TESK2: variants seen among roughly 807,000 people sequenced by gnomAD.
TESK2 encodes testis associated actin remodelling kinase 2, also known as dual specificity testis-specific protein kinase 2.
A neutral mutation model predicts 57.1 loss-of-function variants in TESK2; 39 were observed. The ratio of observed to expected loss-of-function variants is 0.68; its 90% CI spans 0.53 to 0.89. The LOEUF (loss-of-function observed/expected upper bound fraction) is 0.89. TESK2 is among the 40% of genes least tolerant of loss of function. The pLI is 0.00. For synonymous variants in TESK2, 249 were observed against 267.9 expected (o/e 0.93, Z 0.69); for missense variants, 646 against 732.1 (o/e 0.88, Z 1.36).
rs373586036 is a variant in TESK2, at chr1:45,481,459, A to C, written c.-87+9393T>G. On this transcript the variant is annotated intron_variant, in intron 1 of 10. Transcript: ENST00000372086. ...AAAAGTGGGAAAAACAGGACTATAC[A>C]ATTGACCCTTGAACAACACGGGTTT... is the stretch of plus-strand genomic sequence containing the variant. Among the ~76,000 whole-genome samples the C allele has an allele frequency of 1.4e-4, 22 of 152,176 alleles. 1 individual carries two copies. The highest frequency in any genetic ancestry group is 9.6e-4 in the East Asian group (5 of 5,184).
At chr1:45,427,752 CAG>C (rs913880896) in intron 2 of TESK2, among the ~76,000 whole-genome samples, 15 of 151,978 alleles carry the variant, frequency 9.9e-5, no homozygotes, top group African/African-American at 3.4e-4. Flanking sequence ...TGATGGTTAA[CAG>C]AGGCTGGGAA....
chr1:45,472,146 G>A (rs867912831), intron 1 of TESK2, among the ~76,000 whole-genome samples: 5 of 151,956 alleles, frequency 3.3e-5, no homozygotes, highest in Middle Eastern at 3.4e-3. Flanking sequence ...CAGCTACTCG[G>A]GAGGCTGAGG....
intron 2 of TESK2, among the ~76,000 whole-genome samples, chr1:45,442,062 G>A (rs372775157): frequency 1.4e-4 from 21 of 151,968 alleles, no homozygotes; most frequent in Non-Finnish European, 2.9e-4. Flanking sequence ...CCACCCTCCC[G>A]AGTAGCTGGG....
intron 2 of TESK2, among the ~76,000 whole-genome samples, chr1:45,433,972 G>C (rs1241475926): frequency 1.3e-5 from 2 of 151,818 alleles, no homozygotes; most frequent in Non-Finnish European, 2.9e-5. Context: ...TTCATTTTTG[G>C]GGTTTTGGGG....
chr1:45,404,838 A>T (rs1345690654), intron 3 of TESK2, among the ~76,000 whole-genome samples: 1 of 152,050 alleles, frequency 6.6e-6, no homozygotes, highest in Non-Finnish European at 1.5e-5. Context: ...CCACCACACC[A>T]GGCCTATTTC....
At chr1:45,413,681 T>A (rs1303776040) in intron 3 of TESK2, among the ~76,000 whole-genome samples, 3 of 152,050 alleles carry the variant, frequency 2.0e-5, no homozygotes, top group Admixed American at 6.6e-5. Flanking sequence ...ATAAAAAAGA[T>A]AAAAAGTGCA....
chr1:45,422,143 C>T (rs1650503180), intron 2 of TESK2, among the ~76,000 whole-genome samples: 2 of 152,088 alleles, frequency 1.3e-5, no homozygotes, highest in Admixed American at 1.3e-4. Flanking sequence ...ATGTCCTTTG[C>T]AGGGACATAA....
chr1:45,380,748 C>T (rs926645149), intron 4 of TESK2, among the ~76,000 whole-genome samples: 2 of 152,108 alleles, frequency 1.3e-5, no homozygotes, highest in African/African-American at 2.4e-5. Context: ...TATATGAGTC[C>T]TTTTGTTGTT....
intron 2 of TESK2, among the ~76,000 whole-genome samples, chr1:45,443,463 G>C (rs1297975220): frequency 6.7e-6 from 1 of 149,302 alleles, no homozygotes; most frequent in African/African-American, 2.5e-5. Context: ...CCAGCTACTC[G>C]AGAGGCTGAG....
At chr1:45,394,957 TG>T (rs1408973340) in intron 3 of TESK2, among the ~76,000 whole-genome samples, 3 of 152,082 alleles carry the variant, frequency 2.0e-5, no homozygotes, top group African/African-American at 7.2e-5. Context: ...CCCAAAAGGC[TG>T]GGATTACAGG....
intron 4 of TESK2, among the ~76,000 whole-genome samples, chr1:45,375,067 G>T (rs1200987135): frequency 6.6e-6 from 1 of 152,086 alleles, no homozygotes; most frequent in Non-Finnish European, 1.5e-5. Context: ...AGACTTTATT[G>T]TAACAGTCTC....
intron 1 of TESK2, among the ~76,000 whole-genome samples, chr1:45,475,063 C>CAAAAAA (rs58542898): frequency 4.6e-5 from 4 of 87,390 alleles, no homozygotes; most frequent in Non-Finnish European, 5.0e-5. Context: ...GACTCTATCT[C>CAAAAAA]AAAAAAAAAA....
At chr1:45,358,553 A>G (rs1647541089) in intron 4 of TESK2, among the ~76,000 whole-genome samples, 1 of 152,182 alleles carries the variant, frequency 6.6e-6, no homozygotes. Flanking sequence ...AAATTGTTTC[A>G]GGCACTGTTC....
intron 3 of TESK2, among the ~76,000 whole-genome samples, chr1:45,418,508 T>G (rs1348090657): frequency 1.3e-5 from 2 of 152,232 alleles, no homozygotes; most frequent in Non-Finnish European, 2.9e-5. Context: ...CACCTTTATC[T>G]ACCAATACTA....
intron 5 of TESK2, among the ~76,000 whole-genome samples, chr1:45,349,707 C>G (rs149724579): frequency 6.6e-6 from 1 of 152,354 alleles, no homozygotes; most frequent in African/African-American, 2.4e-5. Flanking sequence ...CAGTGACTTA[C>G]ATGTTTGCCT....
intron 2 of TESK2, among the ~76,000 whole-genome samples, chr1:45,434,101 C>T (rs919516263): frequency 6.6e-6 from 1 of 151,998 alleles, no homozygotes; most frequent in Admixed American, 6.6e-5. Flanking sequence ...TCTAGGGATC[C>T]TCCTGCCTCA....
At chr1:45,359,759 G>A (rs748398492) in intron 4 of TESK2, among the ~76,000 whole-genome samples, 15 of 152,070 alleles carry the variant, frequency 9.9e-5, no homozygotes, top group Non-Finnish European at 2.1e-4. Context: ...AGCTACTTGG[G>A]AGGCTGAGGC....
At chr1:45,390,199 G>A (rs1178564628) in intron 3 of TESK2, among the ~76,000 whole-genome samples, 1 of 152,168 alleles carries the variant, frequency 6.6e-6, no homozygotes, top group East Asian at 1.9e-4. Flanking sequence ...GGGAGGCCAA[G>A]GCGGGCAGAT....
At chr1:45,396,867 G>A (rs1186157531) in intron 3 of TESK2, among the ~76,000 whole-genome samples, 2 of 132,162 alleles carry the variant, frequency 1.5e-5, no homozygotes, top group Admixed American at 8.6e-5. Flanking sequence ...TGCCCAGGCT[G>A]GAGTGCAGTG....
Sources: allele counts gnomAD v4.1 joint callset (sites outside exome capture counted in the v4.1 genomes callset), GRCh38; gene constraint gnomAD v4.1.1; transcripts MANE v1.5; gene names NCBI Gene and HGNC (gene_info 2026-07-23, HGNC 2026-07-21).